The following PDE11A variants were observed in gnomAD, a reference collection of about 807,000 sequenced individuals.
The protein encoded by PDE11A is phosphodiesterase 11A, also known as dual 3',5'-cyclic-AMP and -GMP phosphodiesterase 11A.
In PDE11A, 100 loss-of-function variants were observed where a neutral mutation model predicts 100.5. The observed-to-expected ratio is 1.00, with a 90% confidence interval of 0.85 to 1.18. PDE11A has a LOEUF of 1.18. PDE11A is among the 50% of genes most tolerant of loss of function. PDE11A has a pLI of 0.00. For synonymous variants in PDE11A, 381 were observed against 420.8 expected (o/e 0.91, Z 1.16); for missense variants, 1,141 against 1,152.6 (o/e 0.99, Z 0.15).
At chr2:177,902,692 A>C (rs767038595) in intron 3 of PDE11A, among the ~76,000 whole-genome samples, 1 of 152,126 alleles carries the variant, frequency 6.6e-6, no homozygotes, top group African/African-American at 2.4e-5. Context: ...CCCAAATCTT[A>C]ATCTCCAGTC....
chr2:177,853,680 ATGTGTG>A (rs1212022176), intron 5 of PDE11A, among the ~76,000 whole-genome samples: 26 of 36,496 alleles, frequency 7.1e-4, no homozygotes, highest in African/African-American at 1.4e-3. Context: ...ATATATATAT[ATGTGTG>A]TGTGTGTGTG....
At chr2:177,682,297 G>A (rs189157732) in intron 15 of PDE11A, among the ~76,000 whole-genome samples, 11 of 152,292 alleles carry the variant, frequency 7.2e-5, no homozygotes, top group Admixed American at 7.2e-4. Context: ...TACATGTATT[G>A]ATTGATGTCT....
intron 1 of PDE11A, among the ~76,000 whole-genome samples, chr2:178,014,708 T>C (rs1216329022): frequency 1.3e-5 from 2 of 152,082 alleles, no homozygotes; most frequent in Non-Finnish European, 1.5e-5. Flanking sequence ...CACATCAAAA[T>C]TGGGGAAACG....
Position 177,901,250 on chromosome 2 carries a change from C to G in PDE11A, c.1162-3052G>C, listed in dbSNP as rs1045560375. On this transcript the variant is annotated intron_variant, in intron 3 of 19. Transcript: ENST00000286063. ...AATTGGCTCATCTGATCTTGTGACC[C>G]CCCCCATCCATGAGCTAACTCAGGG... 3.9e-5 allele frequency among the ~76,000 whole-genome samples: 6 copies of G among 152,072 alleles called. No individual in the cohort carries two copies. The East Asian group carries it at 7.7e-4, about 20-fold the overall frequency.
intron 2 of PDE11A, among the ~76,000 whole-genome samples, chr2:177,985,917 A>G (rs2085933830): frequency 6.6e-6 from 1 of 152,240 alleles, no homozygotes; most frequent in South Asian, 2.1e-4. Context: ...CATAAGCCAA[A>G]GTGATCTTTA....
At chr2:177,631,550 CATGTATATATATATAT>C (rs2079939145) in intron 19 of PDE11A, among the ~76,000 whole-genome samples, 1 of 8,300 alleles carries the variant, frequency 1.2e-4, no homozygotes, top group African/African-American at 1.9e-4. Context: ...TATATATACA[CATGTATATATATATAT>C]ATACATGTAT....
intron 6 of PDE11A, among the ~76,000 whole-genome samples, chr2:177,830,836 A>C (rs955108361): frequency 9.9e-5 from 15 of 152,052 alleles, no homozygotes; most frequent in African/African-American, 3.6e-4. Context: ...TTCTTGTACT[A>C]CTATAAATAA....
intron 15 of PDE11A, among the ~76,000 whole-genome samples, chr2:177,691,642 C>T (rs185818102): frequency 5.1e-4 from 78 of 152,202 alleles, no homozygotes; most frequent in South Asian, 1.0e-3. Flanking sequence ...TTTACTGAAT[C>T]ACTCCAAACC....
At chr2:177,752,116 G>A (rs2105478250) in intron 10 of PDE11A, among the ~76,000 whole-genome samples, 1 of 152,274 alleles carries the variant, frequency 6.6e-6, no homozygotes, top group East Asian at 1.9e-4. Context: ...GTGACCTGTT[G>A]AGAGCTCAGG....
chr2:177,995,460 G>C (rs770740999), intron 2 of PDE11A, among the ~76,000 whole-genome samples: 7 of 152,100 alleles, frequency 4.6e-5, no homozygotes, highest in Non-Finnish European at 1.0e-4. Flanking sequence ...ACCTGCTTTG[G>C]AATCACAAAC....
intron 12 of PDE11A, among the ~76,000 whole-genome samples, chr2:177,722,841 G>A (rs1472020860): frequency 6.6e-6 from 1 of 152,056 alleles, no homozygotes; most frequent in Non-Finnish European, 1.5e-5. Flanking sequence ...TTATTTTAAA[G>A]TAAATATAAC....
chr2:178,000,903 C>T lies in PDE11A; in HGVS notation c.1071+13399G>A, dbSNP rs374626675. Among the ~76,000 whole-genome samples, 22 of 152,284 alleles carry T rather than the reference C, an allele frequency of 1.4e-4. No homozygotes were observed. In the East Asian group the frequency reaches 2.9e-3, roughly 20 times the overall value. ...TGTATATCAGGCCCATCTACCTGTT[C>T]ATGGGTCCCAAAAGTGAAGATGCAA... On this transcript the variant is annotated intron_variant, in intron 2 of 19. Transcript: ENST00000286063.
chr2:177,787,978 A>G (rs1055625702), intron 9 of PDE11A, among the ~76,000 whole-genome samples: 3 of 152,074 alleles, frequency 2.0e-5, no homozygotes, highest in Non-Finnish European at 2.9e-5. Flanking sequence ...AGACAGATCA[A>G]TGAGACAGAA....
chr2:177,687,300 C>G lies in PDE11A; in HGVS notation c.2346-6397G>C, dbSNP rs559615395. On this transcript the variant is annotated intron_variant, in intron 15 of 19. Coordinates refer to ENST00000286063, the MANE Select transcript of PDE11A (RefSeq NM_016953.4). ...GTTGCTTCTGTCTTCTTCCCACTCA[C>G]CATACAATGACCATTTTCTAAATTG... The G allele has an allele frequency of 3.9e-5, 6 of 152,244 alleles. No homozygotes were observed. In the East Asian group the frequency reaches 1.2e-3, roughly 29 times the overall value. The allele number at this position is 152,244 out of a possible 1,614,324, so 9.4% of individuals were successfully genotyped here.
At chr2:178,031,474 CA>C (rs147625012) in intron 1 of PDE11A, among the ~76,000 whole-genome samples, 3,798 of 151,986 alleles carry the variant, frequency 0.025, 146 homozygotes, top group African/African-American at 0.086. Flanking sequence ...TGTTGGATTC[CA>C]AATTGATACA....
At position 177,639,325 on chromosome 2, in the gene PDE11A, G is replaced by A. The variant is rs537289137; in HGVS notation, c.2647-9763C>T. Among the ~76,000 whole-genome samples, 20 of 152,256 alleles carry A rather than the reference G, an allele frequency of 1.3e-4. No individual in the cohort carries two copies. The East Asian group carries it at 3.5e-3, about 26-fold the overall frequency. On this transcript the variant is annotated intron_variant, in intron 19 of 19. Transcript: ENST00000286063. The stretch of plus-strand genomic sequence containing the variant: ...TTACTCAACCATGGCTAGTAGTAGA[G>A]GTCCCTTATCACTGGTTTTAAAAAC...
chr2:177,665,209 T>C (rs996816488), intron 18 of PDE11A, among the ~76,000 whole-genome samples: 2 of 151,632 alleles, frequency 1.3e-5, no homozygotes, highest in African/African-American at 4.9e-5. Flanking sequence ...CGGTGGCTCA[T>C]GCATGTAATC....
intron 2 of PDE11A, among the ~76,000 whole-genome samples, chr2:178,101,339 A>C (rs943241064): frequency 6.6e-6 from 1 of 152,182 alleles, no homozygotes; most frequent in Non-Finnish European, 1.5e-5. Context: ...CCCAAATGAA[A>C]AGCTTCTGAG....
Position 177,845,171 on chromosome 2 carries a change from AC to A in PDE11A, c.1368-4789del, listed in dbSNP as rs1165004625. 7.8e-4 allele frequency among the ~76,000 whole-genome samples: 101 copies of A among 128,714 alleles called. 1 individual carries two copies. The highest frequency in any genetic ancestry group is 2.8e-3 in the African/African-American group (89 of 32,284). 84.4% of individuals were successfully genotyped at this position (128,714 alleles called of 152,430 possible). A position where few individuals can be genotyped will look rare whatever the true frequency, so the allele number is the denominator to read the frequency against. ...GGGCGGCTGGCCGGGCGGGGGGCTGACCCCCCCCACCTCCCTCCCGGACGGG... is the reference window on the plus strand; with the variant it reads ...GGGCGGCTGGCCGGGCGGGGGGCTGACCCCCCCACCTCCCTCCCGGACGGG... On this transcript the variant is annotated intron_variant, in intron 5 of 19. Transcript: ENST00000286063.
Sources: allele counts gnomAD v4.1 joint callset (sites outside exome capture counted in the v4.1 genomes callset), GRCh38; gene constraint gnomAD v4.1.1; transcripts MANE v1.5; gene names NCBI Gene and HGNC (gene_info 2026-07-23, HGNC 2026-07-21).